Variants in ZBTB16 observed in about 807,000 individuals in gnomAD.
ZBTB16 encodes the protein zinc finger and BTB domain containing 16.
Under a neutral mutation model 56.8 loss-of-function variants are expected in ZBTB16, and 8 were observed. That is an observed-to-expected ratio of 0.14 (90% CI 0.08 to 0.25). The LOEUF (loss-of-function observed/expected upper bound fraction) is 0.25. ZBTB16 is among the 10% of genes least tolerant of loss of function. The probability of loss-of-function intolerance (pLI) is 1.00; values close to 1 mark genes in which losing one functional copy is unlikely to be tolerated. For synonymous variants in ZBTB16, 363 were observed against 368.5 expected (o/e 0.98, Z 0.17); for missense variants, 625 against 903.0 (o/e 0.69, Z 3.95).
intron 5 of ZBTB16, 59 bp downstream of exon 5, chr11:114,242,396 C>G: frequency 6.3e-7 from 1 of 1,594,698 alleles, no homozygotes; most frequent in East Asian, 2.3e-5. Flanking sequence ...TCTATATTTA[C>G]CTCCAAGGAC....
intron 2 of ZBTB16, among the ~76,000 whole-genome samples, chr11:114,148,453 G>C (rs370114730): frequency 0.15 from 7,885 of 53,224 alleles, 1,626 homozygotes; most frequent in Middle Eastern, 0.23. Flanking sequence ...CTCTCTGTCT[G>C]TCTGTCTCTC....
rs374771733 is a variant in ZBTB16, at chr11:114,174,557, T to C, written c.1367-12395T>C. 9.8e-5 allele frequency among the ~76,000 whole-genome samples: 15 copies of C among 152,334 alleles called. No homozygotes were observed. The South Asian group carries it at 3.1e-3, about 32-fold the overall frequency. On this transcript the variant is annotated intron_variant, in intron 3 of 6. Transcript: ENST00000335953. Reference sequence around the variant, plus strand: ...TTAGCCGGGCGTGGTGGCATGAGCCTCCTAGCATCTCTCTCCAATGCCACT... The same window carrying C: ...TTAGCCGGGCGTGGTGGCATGAGCCCCCTAGCATCTCTCTCCAATGCCACT...
chr11:114,148,461 C>G (rs796818318), intron 2 of ZBTB16, among the ~76,000 whole-genome samples: 2 of 47,192 alleles, frequency 4.2e-5, no homozygotes, highest in East Asian at 9.8e-4. Flanking sequence ...CTGTCTGTCT[C>G]TCTCTCTCTC....
At chr11:114,156,572 C>T in intron 3 of ZBTB16, 138 bp downstream of exon 3, 1 of 810,114 alleles carries the variant, frequency 1.2e-6, no homozygotes, top group Non-Finnish European at 2.1e-6. Flanking sequence ...TCCCTGGACC[C>T]TCCCTCCAGG....
At chr11:114,208,814 G>C (rs1943940754) in intron 4 of ZBTB16, among the ~76,000 whole-genome samples, 1 of 152,240 alleles carries the variant, frequency 6.6e-6, no homozygotes, top group Admixed American at 6.5e-5. Flanking sequence ...GGTCCATTCA[G>C]TGATTAAGTA....
chr11:114,139,186 A>G (rs1941879522), intron 2 of ZBTB16, among the ~76,000 whole-genome samples: 1 of 152,204 alleles, frequency 6.6e-6, no homozygotes, highest in African/African-American at 2.4e-5. Flanking sequence ...TGGAGCATGG[A>G]GACCACACTT....
chr11:114,168,976 G>A (rs781439463), intron 3 of ZBTB16, among the ~76,000 whole-genome samples: 24 of 152,210 alleles, frequency 1.6e-4, no homozygotes, highest in Non-Finnish European at 2.1e-4. Context: ...GGGGATAGGA[G>A]GGTTCTGGGA....
intron 2 of ZBTB16, among the ~76,000 whole-genome samples, chr11:114,073,931 T>A (rs1476834382): frequency 6.6e-6 from 1 of 152,156 alleles, no homozygotes; most frequent in Non-Finnish European, 1.5e-5. Context: ...ATCGTCTTAG[T>A]GGGAGATGGG....
Position 114,143,924 on chromosome 11 carries a change from C to T in ZBTB16, c.1269-12413C>T, listed in dbSNP as rs556772010. Among the ~76,000 whole-genome samples, 10 of 152,178 alleles carry T rather than the reference C, an allele frequency of 6.6e-5. No homozygotes were observed. The East Asian group carries it at 7.7e-4, about 12-fold the overall frequency. Reference sequence around the variant, plus strand: ...CTTGGCCTCTGTGCTCGTTGGGCCTCGAGTCACTGGTATTATGCATTTCCT... The same window carrying T: ...CTTGGCCTCTGTGCTCGTTGGGCCTTGAGTCACTGGTATTATGCATTTCCT... On this transcript the variant is annotated intron_variant, in intron 2 of 6. Transcript: ENST00000335953. This position sits in a 1 kb window ranked among gnomAD's most constrained non-coding sequence, Gnocchi z 6.4.
chr11:114,061,922 C>A (rs558220695), intron 1 of ZBTB16, among the ~76,000 whole-genome samples: 1 of 152,128 alleles, frequency 6.6e-6, no homozygotes, highest in African/African-American at 2.4e-5. Context: ...ACGTGGAGTT[C>A]ACACACCCAG....
chr11:114,119,876 A>G (rs1043532020), intron 2 of ZBTB16, among the ~76,000 whole-genome samples: 7 of 152,192 alleles, frequency 4.6e-5, no homozygotes, highest in Non-Finnish European at 1.0e-4. Flanking sequence ...CTTGACTAAT[A>G]CTGCAGCTTT....
At chr11:114,213,301 C>T (rs1019739595) in intron 4 of ZBTB16, among the ~76,000 whole-genome samples, 4 of 152,190 alleles carry the variant, frequency 2.6e-5, no homozygotes, top group African/African-American at 9.6e-5. Flanking sequence ...GTAGGACTCG[C>T]ATAAATTCAC....
At chr11:114,204,372 T>C (rs763592552) in intron 4 of ZBTB16, among the ~76,000 whole-genome samples, 12 of 152,136 alleles carry the variant, frequency 7.9e-5, no homozygotes, top group Non-Finnish European at 1.5e-4. Flanking sequence ...ACTCCTGACC[T>C]CAGGTGATCC....
At chr11:114,166,064 A>G (rs1324600310) in intron 3 of ZBTB16, among the ~76,000 whole-genome samples, 2 of 152,008 alleles carry the variant, frequency 1.3e-5, no homozygotes, top group Non-Finnish European at 2.9e-5. Flanking sequence ...CTCCACACTA[A>G]CCCTCGGTGA....
chr11:114,111,156 C>CATGTGTGTGT (rs113987370), intron 2 of ZBTB16, among the ~76,000 whole-genome samples: 6 of 148,964 alleles, frequency 4.0e-5, no homozygotes, highest in East Asian at 2.0e-4. Flanking sequence ...ATCTGTGCTG[C>CATGTGTGTGT]GTGTGTGTGT....
At chr11:114,120,303 G>A (rs1350479094) in intron 2 of ZBTB16, among the ~76,000 whole-genome samples, 1 of 152,188 alleles carries the variant, frequency 6.6e-6, no homozygotes, top group Non-Finnish European at 1.5e-5. Context: ...GATGTTATGG[G>A]ATGAATGGGG....
chr11:114,148,338 TTCCTTCCTTCCTTCCTTCCTTC>T (rs1942167057), intron 2 of ZBTB16, among the ~76,000 whole-genome samples: 1 of 95,342 alleles, frequency 1.0e-5, no homozygotes, highest in African/African-American at 5.1e-5. Flanking sequence ...GCTGGCTGGC[TTCCTTCCTTCCTTCCTTCCTTC>T]CTTCCTTCCT....
chr11:114,246,998 G>A (rs932432556), intron 5 of ZBTB16, 200 bp from the exon 6 acceptor site: 4 of 672,788 alleles, frequency 5.9e-6, no homozygotes, highest in South Asian at 1.8e-5. Flanking sequence ...TGATCATGGG[G>A]CCACAGTAAA....
At chr11:114,165,986 G>A (rs1461239434) in intron 3 of ZBTB16, among the ~76,000 whole-genome samples, 2 of 152,146 alleles carry the variant, frequency 1.3e-5, no homozygotes, top group Admixed American at 6.5e-5. Context: ...TGCTTGGTAG[G>A]GATGGACCCT....
Sources: allele counts gnomAD v4.1 joint callset (sites outside exome capture counted in the v4.1 genomes callset), GRCh38; gene constraint gnomAD v4.1.1; non-coding constraint Gnocchi (gnomAD v3.1); transcripts MANE v1.5; gene names NCBI Gene and HGNC (gene_info 2026-07-23, HGNC 2026-07-21).